The following SH3RF3 variants were observed in gnomAD, a reference collection of about 807,000 sequenced individuals.
The protein encoded by SH3RF3 is SH3 domain containing ring finger 3.
SH3RF3 carries 29 observed loss-of-function variants against 66.3 expected under a neutral mutation model. The ratio of observed to expected loss-of-function variants is 0.44; its 90% CI spans 0.33 to 0.60. The LOEUF (loss-of-function observed/expected upper bound fraction) is 0.60, where lower values mean the gene tolerates loss of function less well. Ranked by LOEUF, SH3RF3 falls within the 20% of genes least tolerant of loss-of-function variation. The pLI is 0.04. For synonymous variants in SH3RF3, 583 were observed against 532.0 expected (o/e 1.10, Z -1.32); for missense variants, 1,194 against 1,190.9 (o/e 1.00, Z -0.04).
rs182026094 is a variant in SH3RF3, at chr2:109,162,688, C to T, written c.573+32575C>T. 3.2e-4 allele frequency among the ~76,000 whole-genome samples: 48 copies of T among 152,288 alleles called. No homozygotes were observed. The East Asian group carries it at 7.3e-3, about 23-fold the overall frequency. ...TGTGAATAGTGCCACAATAAACATACGTGTGCATGTGTCTTTATAGCTGCA... is the reference window on the plus strand; with the variant it reads ...TGTGAATAGTGCCACAATAAACATATGTGTGCATGTGTCTTTATAGCTGCA... On this transcript the variant is annotated intron_variant, in intron 1 of 9. Transcript: ENST00000309415.
At chr2:109,139,993 A>G (rs1676908188) in intron 1 of SH3RF3, among the ~76,000 whole-genome samples, 1 of 152,190 alleles carries the variant, frequency 6.6e-6, no homozygotes, top group South Asian at 2.1e-4. Context: ...AGGAGGGTTT[A>G]TTGATCAGAG....
intron 1 of SH3RF3, among the ~76,000 whole-genome samples, chr2:109,223,668 C>T (rs552148099): frequency 6.6e-6 from 1 of 152,304 alleles, no homozygotes; most frequent in African/African-American, 2.4e-5. Flanking sequence ...ATGGCTCTCC[C>T]CTGAATTCTG....
chr2:109,445,448 A>G (rs1317251154), intron 7 of SH3RF3, among the ~76,000 whole-genome samples: 2 of 152,258 alleles, frequency 1.3e-5, no homozygotes, highest in African/African-American at 4.8e-5. Flanking sequence ...GCAGATACAG[A>G]TTACTTACAT....
rs573315305 is a variant in SH3RF3 at position 109,347,664 on chromosome 2, T to C, written c.574-10T>C. 8.7e-6 allele frequency: 14 copies of C among 1,612,536 alleles called. No homozygotes were observed. The South Asian group carries it at 1.5e-4, about 18-fold the overall frequency. ...ATGCCCGGTGACCACATGCTGTCTG[T>C]TGCTTGCAGAATCCCTGCCTGCTTC... On this transcript the variant is annotated splice_polypyrimidine_tract_variant and intron_variant, in intron 1 of 9. Transcript: ENST00000309415.
At chr2:109,350,400 C>T (rs1682814036) in intron 2 of SH3RF3, among the ~76,000 whole-genome samples, 1 of 152,156 alleles carries the variant, frequency 6.6e-6, no homozygotes, top group East Asian at 1.9e-4. Context: ...ACTTTCTTTA[C>T]TTGAATCCTG....
At chr2:109,335,347 A>G (rs556550882) in intron 1 of SH3RF3, among the ~76,000 whole-genome samples, 2 of 152,142 alleles carry the variant, frequency 1.3e-5, no homozygotes, top group East Asian at 3.9e-4. Flanking sequence ...AAAACTCTCA[A>G]TGGCGTTTAT....
rs368450960 is a variant in SH3RF3 at position 109,185,641 on chromosome 2, G to A, written c.573+55528G>A. Among the ~76,000 whole-genome samples the A allele has an allele frequency of 1.6e-4, 24 of 152,286 alleles. No homozygotes were observed. In the East Asian group the frequency reaches 3.9e-3, roughly 24 times the overall value. On this transcript the variant is annotated intron_variant, in intron 1 of 9. Coordinates refer to ENST00000309415, the MANE Select transcript of SH3RF3 (RefSeq NM_001099289.3). ...CGGAGCCAAGTCCCTGGACAGGACAGCCCTCAGACACTCCTGGTTCACCTT... is the reference window on the plus strand; with the variant it reads ...CGGAGCCAAGTCCCTGGACAGGACAACCCTCAGACACTCCTGGTTCACCTT...
chr2:109,174,777 T>A (rs180741850), intron 1 of SH3RF3, among the ~76,000 whole-genome samples: 11 of 152,358 alleles, frequency 7.2e-5, no homozygotes, highest in African/African-American at 2.6e-4. Context: ...GCTCACTCGC[T>A]GGAGCCCTGC....
chr2:109,440,373 G>T (rs543648199), intron 7 of SH3RF3, among the ~76,000 whole-genome samples: 3 of 152,180 alleles, frequency 2.0e-5, no homozygotes, highest in Non-Finnish European at 4.4e-5. Flanking sequence ...AGAAAGACCC[G>T]CAGTGAAGCC....
At chr2:109,289,183 A>G (rs1681106745) in intron 1 of SH3RF3, among the ~76,000 whole-genome samples, 1 of 152,196 alleles carries the variant, frequency 6.6e-6, no homozygotes, top group African/African-American at 2.4e-5. Context: ...CTCTCTGCAG[A>G]AAAAGCCCCT....
chr2:109,149,073 T>C (rs1019542687), intron 1 of SH3RF3, among the ~76,000 whole-genome samples: 7 of 152,178 alleles, frequency 4.6e-5, no homozygotes, highest in African/African-American at 9.7e-5. Context: ...GAGGCTTCAA[T>C]TGAGTGCCTC....
chr2:109,483,666 G>T (rs1405179705), intron 8 of SH3RF3, among the ~76,000 whole-genome samples: 2 of 152,190 alleles, frequency 1.3e-5, no homozygotes, highest in Admixed American at 6.5e-5. Flanking sequence ...GTCAAGGCTG[G>T]ACACACAAAG....
chr2:109,365,722 T>C (rs983039505), intron 2 of SH3RF3, among the ~76,000 whole-genome samples: 2 of 152,202 alleles, frequency 1.3e-5, no homozygotes, highest in Admixed American at 1.3e-4. Flanking sequence ...TCAAGGAACA[T>C]TTATGTTATT....
At position 109,468,722 on chromosome 2, in the gene SH3RF3, C is replaced by T. The variant is rs1447313099; in HGVS notation, c.2148+19233C>T. ...TAAAAAAATGAGCCAGGCATGGTGG[C>T]GGGCACCTGTAATCCCAGCTACTCA... On this transcript the variant is annotated intron_variant, in intron 8 of 9. Coordinates refer to ENST00000309415, the MANE Select transcript of SH3RF3 (RefSeq NM_001099289.3). Among the ~76,000 whole-genome samples, 3 of 151,646 alleles carry T rather than the reference C, an allele frequency of 2.0e-5. No homozygotes were observed. The East Asian group carries it at 5.8e-4, about 29-fold the overall frequency.
At chr2:109,156,312 C>T (rs370000371) in intron 1 of SH3RF3, among the ~76,000 whole-genome samples, 2 of 152,316 alleles carry the variant, frequency 1.3e-5, no homozygotes, top group South Asian at 2.1e-4. Flanking sequence ...CTCCGCCCCT[C>T]GCATCTTCCC....
At chr2:109,250,159 A>C (rs558861409) in intron 1 of SH3RF3, among the ~76,000 whole-genome samples, 12 of 150,544 alleles carry the variant, frequency 8.0e-5, no homozygotes, top group Admixed American at 6.6e-4. Flanking sequence ...TCTGTCTTTA[A>C]GGTTTTTCTC....
At chr2:109,194,594 G>A (rs1210064723) in intron 1 of SH3RF3, among the ~76,000 whole-genome samples, 12 of 152,206 alleles carry the variant, frequency 7.9e-5, no homozygotes, top group Admixed American at 7.2e-4. Flanking sequence ...TGGGTAGGGA[G>A]GGCAGGCACA....
intron 1 of SH3RF3, among the ~76,000 whole-genome samples, chr2:109,272,181 C>G (rs1680642936): frequency 6.6e-6 from 1 of 152,214 alleles, no homozygotes; most frequent in African/African-American, 2.4e-5. Context: ...TGGGTCAGAA[C>G]CCCCCACAGC....
At chr2:109,449,747 T>C (rs1677812312) in intron 8 of SH3RF3, among the ~76,000 whole-genome samples, 1 of 152,210 alleles carries the variant, frequency 6.6e-6, no homozygotes, top group African/African-American at 2.4e-5. Flanking sequence ...CAGAAAAAGG[T>C]GTCCCCTCTT....
Sources: allele counts gnomAD v4.1 joint callset (sites outside exome capture counted in the v4.1 genomes callset), GRCh38; gene constraint gnomAD v4.1.1; transcripts MANE v1.5; gene names NCBI Gene and HGNC (gene_info 2026-07-23, HGNC 2026-07-21).